The following DLGAP1 variants were observed in gnomAD, a reference collection of about 807,000 sequenced individuals.
DLGAP1 encodes DLG associated protein 1.
A neutral mutation model predicts 90.8 loss-of-function variants in DLGAP1; 11 were observed. The ratio of observed to expected loss-of-function variants is 0.12; its 90% confidence interval spans 0.08 to 0.20. The LOEUF (loss-of-function observed/expected upper bound fraction) is 0.20. Ranked by LOEUF, DLGAP1 falls within the 10% of genes least tolerant of loss-of-function variation. DLGAP1 has a pLI of 1.00. For missense variants in DLGAP1, 1,050 were observed against 1,333.8 expected, an observed-to-expected ratio of 0.79 and a Z score of 3.31; for synonymous variants, 558 against 540.7, an observed-to-expected ratio of 1.03 and a Z score of -0.44.
At chr18:3,841,430 CAGA>C (rs1024966035) in intron 4 of DLGAP1, among the ~76,000 whole-genome samples, 1 of 152,108 alleles carries the variant, frequency 6.6e-6, no homozygotes, top group Non-Finnish European at 1.5e-5. Flanking sequence ...TATTGGAGAT[CAGA>C]AGGCAAATGA....
chr18:3,674,780 C>T (rs2060237731), intron 7 of DLGAP1, among the ~76,000 whole-genome samples: 1 of 150,976 alleles, frequency 6.6e-6, no homozygotes, highest in African/African-American at 2.4e-5. Context: ...GTACCGAGTC[C>T]ACCACAATCA....
chr18:3,502,305 T>C, intron 12 of DLGAP1, 188 bp downstream of exon 12: 1 of 1,323,184 alleles, frequency 7.6e-7, no homozygotes, highest in Non-Finnish European at 9.7e-7. Context: ...TTTAAAAATA[T>C]GCCTGAAACA....
intron 7 of DLGAP1, among the ~76,000 whole-genome samples, chr18:3,641,065 T>C (rs2058917850): frequency 6.6e-6 from 1 of 152,124 alleles, no homozygotes; most frequent in African/African-American, 2.4e-5. Flanking sequence ...ATTTTCTTCA[T>C]GAGGCACAGC....
At chr18:4,139,907 T>C (rs973795640) in intron 2 of DLGAP1, among the ~76,000 whole-genome samples, 1 of 152,012 alleles carries the variant, frequency 6.6e-6, no homozygotes, top group African/African-American at 2.4e-5. Context: ...GAAAGCTATT[T>C]TGATATAACT....
intron 8 of DLGAP1, among the ~76,000 whole-genome samples, chr18:3,572,739 T>C (rs1224538645): frequency 1.3e-5 from 2 of 152,194 alleles, no homozygotes; most frequent in Non-Finnish European, 2.9e-5. Context: ...TGTGAGCCAC[T>C]ACACCCGGCC....
intron 5 of DLGAP1, among the ~76,000 whole-genome samples, chr18:3,799,614 A>G (rs1218773084): frequency 3.9e-5 from 6 of 152,146 alleles, no homozygotes; most frequent in Admixed American, 1.3e-4. Flanking sequence ...GAAGCTAGAC[A>G]GAGGCTTGCC....
chr18:4,317,996 T>A (rs1049953454), intron 1 of DLGAP1, among the ~76,000 whole-genome samples: 1 of 152,020 alleles, frequency 6.6e-6, no homozygotes, highest in Middle Eastern at 3.2e-3. Context: ...TACAGGCGCG[T>A]ACCATCACGC....
intron 7 of DLGAP1, among the ~76,000 whole-genome samples, chr18:3,644,589 A>G (rs926911326): frequency 5.9e-5 from 9 of 151,640 alleles, no homozygotes; most frequent in African/African-American, 2.2e-4. Context: ...TTTTTTATAT[A>G]TTTAGTAGAG....
chr18:4,399,543 G>C (rs1441867564), intron 1 of DLGAP1, among the ~76,000 whole-genome samples: 1 of 152,208 alleles, frequency 6.6e-6, no homozygotes, highest in Non-Finnish European at 1.5e-5. Context: ...CTGATGTCAA[G>C]TGTTATTTTT....
intron 1 of DLGAP1, among the ~76,000 whole-genome samples, chr18:4,230,150 T>C (rs949869654): frequency 3.9e-5 from 6 of 152,088 alleles, no homozygotes; most frequent in African/African-American, 1.4e-4. Flanking sequence ...GATGAGGATG[T>C]GGAGAAAAGG....
chr18:3,979,242 T>C (rs1240174952), intron 3 of DLGAP1, among the ~76,000 whole-genome samples: 2 of 55,786 alleles, frequency 3.6e-5, no homozygotes, highest in African/African-American at 6.0e-5. Flanking sequence ...TTTTTACCAT[T>C]TTTTTTCTAT....
chr18:3,840,458 C>T lies in DLGAP1; in HGVS notation c.958-26185G>A, dbSNP rs117431039. 3.8e-3 allele frequency among the ~76,000 whole-genome samples: 576 copies of T among 152,272 alleles called. 1 individual carries two copies. The highest frequency in any genetic ancestry group is 6.2e-3 in the Non-Finnish European group (424 of 68,016). On this transcript the variant is annotated intron_variant, in intron 4 of 12. Coordinates refer to ENST00000315677, the MANE Select transcript of DLGAP1 (RefSeq NM_004746.4). Reference sequence around the variant, plus strand: ...AGCAAAGCATCTTCAAATCTCTCTCCGCTTCCACGGCCACATAGTCTCCCT... The same window carrying T: ...AGCAAAGCATCTTCAAATCTCTCTCTGCTTCCACGGCCACATAGTCTCCCT...
chr18:3,750,311 T>C (rs1001524631), intron 5 of DLGAP1, among the ~76,000 whole-genome samples: 2 of 152,254 alleles, frequency 1.3e-5, no homozygotes, highest in Non-Finnish European at 2.9e-5. Flanking sequence ...ATTTCATTGT[T>C]ATGGCTGTGT....
At chr18:4,242,410 G>C (rs2078557459) in intron 1 of DLGAP1, among the ~76,000 whole-genome samples, 1 of 151,920 alleles carries the variant, frequency 6.6e-6, no homozygotes. Flanking sequence ...CCAGAATTCT[G>C]GCACATGGAT....
chr18:4,043,544 TCTTA>T (rs947462147), intron 2 of DLGAP1, among the ~76,000 whole-genome samples: 3 of 148,192 alleles, frequency 2.0e-5, no homozygotes, highest in Non-Finnish European at 4.4e-5. Flanking sequence ...GTAACCTACA[TCTTA>T]TTTATTTATT....
At chr18:4,177,087 C>G (rs146440318) in intron 1 of DLGAP1, among the ~76,000 whole-genome samples, 4 of 152,172 alleles carry the variant, frequency 2.6e-5, no homozygotes, top group African/African-American at 9.6e-5. Flanking sequence ...AGAGGTGGGT[C>G]GAGCTCCTCT....
intron 7 of DLGAP1, among the ~76,000 whole-genome samples, chr18:3,642,402 GAT>G (rs1212108243): frequency 4.6e-5 from 7 of 152,266 alleles, no homozygotes; most frequent in Middle Eastern, 3.4e-3. Flanking sequence ...TTGAATTTGG[GAT>G]GCTTACCTGG....
chr18:3,823,596 T>G (rs577761741), intron 4 of DLGAP1, among the ~76,000 whole-genome samples: 25 of 152,300 alleles, frequency 1.6e-4, no homozygotes, highest in African/African-American at 6.0e-4. Context: ...TTTGTTATAG[T>G]AATTTTCTAT....
chr18:4,006,221 C>T (rs2074297572), intron 2 of DLGAP1, among the ~76,000 whole-genome samples: 1 of 152,150 alleles, frequency 6.6e-6, no homozygotes, highest in South Asian at 2.1e-4. Flanking sequence ...AAAATAGCAA[C>T]TATGGGAGAC....
Sources: gnomAD v4.1 joint callset for allele counts (sites outside exome capture counted in the v4.1 genomes callset) on GRCh38, gnomAD v4.1.1 for gene constraint, MANE v1.5 for transcripts, NCBI Gene and HGNC (gene_info 2026-07-23, HGNC 2026-07-21) for gene names.